Variants in CCBE1 observed in about 807,000 individuals in gnomAD.
CCBE1 encodes collagen and calcium-binding EGF domain-containing protein 1.
A neutral mutation model predicts 50.0 loss-of-function variants in CCBE1; 37 were observed. The observed-to-expected ratio is 0.74, with a 90% CI of 0.57 to 0.97. CCBE1 has a LOEUF of 0.97. Ranked by LOEUF, CCBE1 falls within the 50% of genes least tolerant of loss-of-function variation. The pLI, the probability that CCBE1 is intolerant of heterozygous loss-of-function variation, is 0.00. For missense variants in CCBE1, 538 were observed against 523.8 expected (o/e 1.03, Z -0.26); for synonymous variants, 234 against 203.7 (o/e 1.15, Z -1.27).
At chr18:59,595,263 C>T (rs1229087578) in intron 2 of CCBE1, among the ~76,000 whole-genome samples, 2 of 151,792 alleles carry the variant, frequency 1.3e-5, no homozygotes, top group African/African-American at 2.4e-5. Context: ...ATCCTTCCCC[C>T]AGACAATTTT....
At chr18:59,550,170 A>G (rs1422124163) in intron 2 of CCBE1, among the ~76,000 whole-genome samples, 1 of 151,636 alleles carries the variant, frequency 6.6e-6, no homozygotes, top group Non-Finnish European at 1.5e-5. Context: ...CAAAACCACC[A>G]CAAGCTCTGG....
intron 2 of CCBE1, among the ~76,000 whole-genome samples, chr18:59,643,011 C>A (rs1420305841): frequency 6.7e-6 from 1 of 148,908 alleles, no homozygotes; most frequent in Admixed American, 6.7e-5. Flanking sequence ...TAGAGGGCTA[C>A]AGTACAGAAA....
chr18:59,516,462 T>C (rs1368140250), intron 2 of CCBE1, among the ~76,000 whole-genome samples: 2 of 152,222 alleles, frequency 1.3e-5, no homozygotes, highest in African/African-American at 4.8e-5. Flanking sequence ...AAGTGGCCGA[T>C]AGTAGCTGCC....
intron 2 of CCBE1, among the ~76,000 whole-genome samples, chr18:59,502,508 A>G (rs1333870701): frequency 6.6e-6 from 1 of 152,168 alleles, no homozygotes; most frequent in African/African-American, 2.4e-5. Flanking sequence ...CGTCAGCCAG[A>G]TTCTTTTGTG....
At chr18:59,581,460 A>G (rs2053083345) in intron 2 of CCBE1, among the ~76,000 whole-genome samples, 1 of 151,828 alleles carries the variant, frequency 6.6e-6, no homozygotes. Flanking sequence ...AAAGCCCCAA[A>G]ATAACAGATA....
At chr18:59,582,288 A>G (rs1427420567) in intron 2 of CCBE1, among the ~76,000 whole-genome samples, 3 of 152,096 alleles carry the variant, frequency 2.0e-5, no homozygotes, top group African/African-American at 7.2e-5. Flanking sequence ...CTTGTGACAA[A>G]AGAGAAAACT....
chr18:59,466,742 T>C lies in CCBE1; in HGVS notation c.550A>G (p.Thr184Ala). 6.2e-7 allele frequency: 1 copy of C among 1,612,128 alleles called. No homozygotes were observed. Among genetic ancestry groups the C allele is most frequent in the Non-Finnish European group, 8.5e-7 (1 of 1,179,166 alleles). ...TATTTAGACTTGCCCTACTTACCAG[T>C]GTCATTGGGATATTTGTCTCCCCTG... The part of the protein sequence containing the change: ...CTRGDKYPND[T>A]GHEKSENMVK... Residue 184 changes from threonine to alanine, a missense_variant, in exon 5 of 11, where the codon ACT becomes GCT. Transcript: ENST00000439986.
At chr18:59,601,149 A>G (rs1429510669) in intron 2 of CCBE1, among the ~76,000 whole-genome samples, 1 of 148,550 alleles carries the variant, frequency 6.7e-6, no homozygotes, top group Non-Finnish European at 1.5e-5. Flanking sequence ...CTTCTACCTC[A>G]GCCTCTTGAG....
At chr18:59,665,702 G>A (rs142673141) in intron 2 of CCBE1, among the ~76,000 whole-genome samples, 95 of 152,182 alleles carry the variant, frequency 6.2e-4, no homozygotes, top group Non-Finnish European at 1.2e-3. Flanking sequence ...CACTGTTTAC[G>A]GCTCCGAGGT....
chr18:59,485,743 TG>T (rs1265213713), intron 2 of CCBE1, among the ~76,000 whole-genome samples: 1 of 151,968 alleles, frequency 6.6e-6, no homozygotes, highest in Non-Finnish European at 1.5e-5. Context: ...CCTGAGTAGC[TG>T]GGATTACAGG....
At chr18:59,627,589 T>C (rs1308377226) in intron 2 of CCBE1, among the ~76,000 whole-genome samples, 2 of 152,142 alleles carry the variant, frequency 1.3e-5, no homozygotes, top group African/African-American at 2.4e-5. Context: ...CAATGAATAG[T>C]GTCATAAGGA....
intron 2 of CCBE1, among the ~76,000 whole-genome samples, chr18:59,525,484 T>C (rs542731562): frequency 1.3e-5 from 2 of 152,208 alleles, no homozygotes; most frequent in Non-Finnish European, 2.9e-5. Context: ...AAGTTCCTCG[T>C]AGATTCTGAA....
chr18:59,500,894 C>A (rs1913587941), intron 2 of CCBE1, among the ~76,000 whole-genome samples: 1 of 152,106 alleles, frequency 6.6e-6, no homozygotes. Flanking sequence ...ACTGATGGTC[C>A]CCCAGAGCTG....
intron 2 of CCBE1, among the ~76,000 whole-genome samples, chr18:59,577,897 A>G (rs1035777614): frequency 2.0e-5 from 3 of 152,196 alleles, no homozygotes; most frequent in African/African-American, 7.2e-5. Context: ...GGACATAGAC[A>G]TGGGCAAAGA....
chr18:59,578,434 A>T (rs1470453718), intron 2 of CCBE1, among the ~76,000 whole-genome samples: 1 of 152,222 alleles, frequency 6.6e-6, no homozygotes, highest in African/African-American at 2.4e-5. Context: ...TGACCCAGCA[A>T]TCCCATTACT....
Position 59,583,531 on chromosome 18 carries a change from A to G in CCBE1, c.213-103293T>C, listed in dbSNP as rs76108420. On this transcript the variant is annotated intron_variant, in intron 2 of 10. Transcript: ENST00000439986. ...CTTTGGTTTTAGCTTTTCATTATCA[A>G]ATGGCCAATGCCCTTTTTCTAAAGG... Among the ~76,000 whole-genome samples, 633 of 152,262 alleles carry G rather than the reference A, an allele frequency of 4.2e-3. 7 individuals are homozygous for G. The highest frequency in any genetic ancestry group is 0.015 in the African/African-American group (616 of 41,560).
chr18:59,520,854 A>G (rs1035988366), intron 2 of CCBE1, among the ~76,000 whole-genome samples: 8 of 152,264 alleles, frequency 5.3e-5, no homozygotes, highest in African/African-American at 1.9e-4. Flanking sequence ...AAAGACAGAC[A>G]CAAATTAACC....
chr18:59,571,226 T>G (rs569239791), intron 2 of CCBE1, among the ~76,000 whole-genome samples: 1 of 152,298 alleles, frequency 6.6e-6, no homozygotes, highest in South Asian at 2.1e-4. Flanking sequence ...ATTATGTAAC[T>G]TTTCCTTATG....
At chr18:59,560,836 A>G (rs923913321) in intron 2 of CCBE1, among the ~76,000 whole-genome samples, 1 of 152,212 alleles carries the variant, frequency 6.6e-6, no homozygotes, top group Admixed American at 6.5e-5. Context: ...CGGCACAGAC[A>G]TCCACTTCAG....
Sources: allele counts gnomAD v4.1 joint callset (sites outside exome capture counted in the v4.1 genomes callset), GRCh38; gene constraint gnomAD v4.1.1; transcripts MANE v1.5; gene names NCBI Gene and HGNC (gene_info 2026-07-23, HGNC 2026-07-21).